FRMD4B: variants seen among roughly 807,000 people sequenced by gnomAD.
FRMD4B encodes the protein FERM domain-containing protein 4B.
In FRMD4B, 74 loss-of-function variants were observed where a neutral mutation model predicts 141.5. The observed-to-expected ratio is 0.52, with a 90% CI of 0.43 to 0.63. The LOEUF (loss-of-function observed/expected upper bound fraction) is 0.63, where lower values mean the gene tolerates loss of function less well. FRMD4B is among the 30% of genes least tolerant of loss of function. FRMD4B has a pLI of 0.00. For missense variants in FRMD4B, 1,366 were observed against 1,253.4 expected (o/e 1.09, Z -1.36); for synonymous variants, 506 against 467.9 (o/e 1.08, Z -1.05).
chr3:69,169,203 A>T lies in FRMD4B; in HGVS notation c.*2658T>A, dbSNP rs1486149943. On this transcript the variant is annotated 3_prime_UTR_variant, in exon 23 of 23. Transcript: ENST00000398540. The stretch of plus-strand genomic sequence containing the variant: ...ATGGTATTTTGTAATAAAAAAGAGG[A>T]AACGTACATGTTGAATAATGTACTT... Among the ~76,000 whole-genome samples the T allele has an allele frequency of 1.3e-5, 2 of 152,174 alleles. No homozygotes were observed. The highest frequency in any genetic ancestry group is 4.8e-5 in the African/African-American group (2 of 41,442).
chr3:69,249,996 C>T (rs373941453), intron 6 of FRMD4B, 47 bp downstream of exon 6: 18 of 1,303,190 alleles, frequency 1.4e-5, no homozygotes, highest in South Asian at 2.4e-5. Flanking sequence ...TTAACAAAAA[C>T]GAACAAACAC....
At chr3:69,469,413 G>A (rs1192957189) in intron 1 of FRMD4B, among the ~76,000 whole-genome samples, 1 of 152,168 alleles carries the variant, frequency 6.6e-6, no homozygotes, top group Non-Finnish European at 1.5e-5. Context: ...TTAGCAGAAC[G>A]TATTTACTTA....
intron 3 of FRMD4B, among the ~76,000 whole-genome samples, chr3:69,307,914 C>T (rs150337178): frequency 5.9e-5 from 9 of 152,304 alleles, no homozygotes; most frequent in Non-Finnish European, 1.0e-4. Flanking sequence ...CTTGTCCCCA[C>T]GATCAGGCCA....
At chr3:69,536,461 T>A (rs906796066) in intron 1 of FRMD4B, 12 of 704,228 alleles carry the variant, frequency 1.7e-5, no homozygotes, top group Non-Finnish European at 2.6e-5. Flanking sequence ...GTGCAGGATG[T>A]AGAGCTTGAC....
intron 1 of FRMD4B, among the ~76,000 whole-genome samples, chr3:69,354,528 C>T (rs1703257526): frequency 6.6e-6 from 1 of 152,026 alleles, no homozygotes; most frequent in Admixed American, 6.6e-5. Context: ...TTGTATATAT[C>T]CTTGGGAAAG....
intron 1 of FRMD4B, among the ~76,000 whole-genome samples, chr3:69,315,231 C>T (rs770443203): frequency 2.6e-5 from 4 of 152,146 alleles, no homozygotes; most frequent in Non-Finnish European, 5.9e-5. Context: ...TTGTAAAATA[C>T]TTAAACAATG....
At chr3:69,450,725 G>A (rs1344066999) in intron 1 of FRMD4B, among the ~76,000 whole-genome samples, 2 of 151,502 alleles carry the variant, frequency 1.3e-5, no homozygotes. Context: ...TTGCACTCCA[G>A]CTTGGGCGAC....
intron 1 of FRMD4B, among the ~76,000 whole-genome samples, chr3:69,523,824 C>A (rs1700891074): frequency 6.6e-6 from 1 of 152,144 alleles, no homozygotes; most frequent in Admixed American, 6.5e-5. Context: ...AAAATGCTGA[C>A]AATGAAGACA....
chr3:69,211,827 C>T (rs1309917151), intron 11 of FRMD4B, among the ~76,000 whole-genome samples: 1 of 152,176 alleles, frequency 6.6e-6, no homozygotes, highest in African/African-American at 2.4e-5. Context: ...CATGATCCTC[C>T]TTTAATAGAA....
upstream of FRMD4B, among the ~76,000 whole-genome samples, chr3:69,388,329 T>C (rs1484950289): frequency 6.6e-6 from 1 of 152,114 alleles, no homozygotes; most frequent in African/African-American, 2.4e-5. Flanking sequence ...TTTTAGAAGA[T>C]AGGATGTAGT....
intron 21 of FRMD4B, among the ~76,000 whole-genome samples, chr3:69,177,420 T>C (rs886292545): frequency 2.6e-5 from 4 of 152,102 alleles, no homozygotes; most frequent in African/African-American, 7.2e-5. Flanking sequence ...GAAGTCAAGG[T>C]GGGAGTAACG....
intron 1 of FRMD4B, among the ~76,000 whole-genome samples, chr3:69,494,099 C>T (rs747335541): frequency 1.3e-5 from 2 of 152,126 alleles, no homozygotes; most frequent in African/African-American, 2.4e-5. Flanking sequence ...AGGCTGGTCT[C>T]GAACTCTCGG....
intron 1 of FRMD4B, among the ~76,000 whole-genome samples, chr3:69,487,706 C>T (rs1706239318): frequency 6.6e-6 from 1 of 152,142 alleles, no homozygotes; most frequent in Non-Finnish European, 1.5e-5. Flanking sequence ...CTTTTGGAAC[C>T]TGAATTTAGG....
intron 1 of FRMD4B, among the ~76,000 whole-genome samples, chr3:69,329,049 C>T (rs995421017): frequency 2.0e-5 from 3 of 152,166 alleles, no homozygotes; most frequent in Non-Finnish European, 2.9e-5. Flanking sequence ...AACTCTTGGG[C>T]TCTGGATCAG....
At position 69,440,759 on chromosome 3, in the gene FRMD4B, GATCATGCC is replaced by G. The variant is rs566456804; in HGVS notation, c.-128-8006_-128-7999del. On this transcript the variant is annotated intron_variant, in intron 1 of 5. Transcript: ENST00000459638. ...GGAGGCAGAGGTTGCACTGAGGCAA[GATCATGCC>G]ATTGCACTCCAGCCTTGGCAACAGA... Among the ~76,000 whole-genome samples the G allele has an allele frequency of 1.4e-3, 214 of 152,254 alleles. 1 individual carries two copies. Among genetic ancestry groups the G allele is most frequent in the Non-Finnish European group, 2.7e-3 (187 of 68,008 alleles).
chr3:69,184,228 T>C (rs1357437632), intron 19 of FRMD4B, among the ~76,000 whole-genome samples: 1 of 152,194 alleles, frequency 6.6e-6, no homozygotes, highest in African/African-American at 2.4e-5. Context: ...ACCTTTTACA[T>C]AGTCAGGCAA....
At chr3:69,528,894 A>AC (rs1044472072) in intron 1 of FRMD4B, among the ~76,000 whole-genome samples, 4 of 151,828 alleles carry the variant, frequency 2.6e-5, no homozygotes, top group African/African-American at 9.7e-5. Context: ...TACAATATAC[A>AC]CCCCTTAGTT....
chr3:69,199,128 C>G (rs2092940576), intron 11 of FRMD4B: 1 of 190,918 alleles, frequency 5.2e-6, no homozygotes, highest in Non-Finnish European at 1.1e-5. Flanking sequence ...AAAAATTAGC[C>G]GGGCGTGCTG....
intron 7 of FRMD4B, among the ~76,000 whole-genome samples, chr3:69,241,519 A>G (rs1171509234): frequency 6.6e-6 from 1 of 152,208 alleles, no homozygotes; most frequent in Non-Finnish European, 1.5e-5. Context: ...ATAAGACAAA[A>G]ACGTTTCATT....
Sources: allele counts gnomAD v4.1 joint callset (sites outside exome capture counted in the v4.1 genomes callset), GRCh38; gene constraint gnomAD v4.1.1; transcripts MANE v1.5; gene names NCBI Gene and HGNC (gene_info 2026-07-23, HGNC 2026-07-21).